TENM2: variants seen among roughly 807,000 people sequenced by gnomAD.
TENM2 encodes teneurin-2.
TENM2 carries 52 observed loss-of-function variants against 245.2 expected under a neutral mutation model. The ratio of observed to expected loss-of-function variants is 0.21; its 90% CI spans 0.17 to 0.27. The LOEUF is 0.27. TENM2 is among the 10% of genes least tolerant of loss of function. The pLI is 1.00. For synonymous variants in TENM2, 1,363 were observed against 1,438.9 expected, an observed-to-expected ratio of 0.95 and a Z score of 1.19; for missense variants, 3,046 against 3,666.8, an observed-to-expected ratio of 0.83 and a Z score of 4.37.
chr5:167,122,957 G>C, the TENM2 span, among the ~76,000 whole-genome samples: 1 of 152,026 alleles, frequency 6.6e-6, no homozygotes, highest in African/African-American at 2.4e-5. Flanking sequence ...GGAAAAATAC[G>C]ATTATCATCT....
chr5:168,018,688 C>A (rs1041132065), intron 5 of TENM2, among the ~76,000 whole-genome samples: 1 of 152,052 alleles, frequency 6.6e-6, no homozygotes, highest in Non-Finnish European at 1.5e-5. Flanking sequence ...GTGAGAGATT[C>A]CCTACATCAA....
chr5:168,214,796 CA>C, intron 20 of TENM2: 2 of 596,828 alleles, frequency 3.4e-6, no homozygotes, highest in South Asian at 3.0e-5. Context: ...AATGAAGCAA[CA>C]GTTGTTTAGC....
intron 7 of TENM2, among the ~76,000 whole-genome samples, chr5:168,082,587 G>T (rs1645240117): frequency 6.6e-6 from 1 of 152,128 alleles, no homozygotes; most frequent in Admixed American, 6.5e-5. Context: ...TTTGATGATG[G>T]TGACATGCAG....
At chr5:167,188,202 T>C in the TENM2 span, among the ~76,000 whole-genome samples, 1 of 152,152 alleles carries the variant, frequency 6.6e-6, no homozygotes, top group Non-Finnish European at 1.5e-5. Context: ...TTCAGGATAA[T>C]TGGCAGTCAG....
intron 2 of TENM2, among the ~76,000 whole-genome samples, chr5:167,802,493 G>A (rs1210694315): frequency 6.6e-6 from 1 of 152,042 alleles, no homozygotes; most frequent in Non-Finnish European, 1.5e-5. Context: ...AATTTATTTT[G>A]GTCACATTTC....
At position 167,692,397 on chromosome 5, in the gene TENM2, A is replaced by G. The variant is rs1370067250; in HGVS notation, c.503-183589A>G. On this transcript the variant is annotated intron_variant, in intron 2 of 28. Coordinates refer to ENST00000518659, the Ensembl canonical transcript of TENM2. ...AGTTTCCAGATCATCACCCCTGGAC[A>G]GTCTGATTCCATTTGTTTGGGGTGA... 3.3e-5 allele frequency among the ~76,000 whole-genome samples: 5 copies of G among 152,272 alleles called. No homozygotes were observed. The East Asian group carries it at 9.7e-4, about 30-fold the overall frequency.
intron 2 of TENM2, among the ~76,000 whole-genome samples, chr5:167,666,612 G>C (rs1755594323): frequency 6.6e-6 from 1 of 152,022 alleles, no homozygotes; most frequent in Non-Finnish European, 1.5e-5. Context: ...GTACTTAGAG[G>C]GCCTGGCATA....
At chr5:168,009,138 T>C (rs1785040041) in intron 5 of TENM2, among the ~76,000 whole-genome samples, 1 of 152,246 alleles carries the variant, frequency 6.6e-6, no homozygotes, top group Non-Finnish European at 1.5e-5. Flanking sequence ...AGACTCAGCA[T>C]ACCCATTTAT....
intron 2 of TENM2, among the ~76,000 whole-genome samples, chr5:167,714,202 C>T (rs538734422): frequency 1.4e-4 from 21 of 152,284 alleles, no homozygotes; most frequent in African/African-American, 4.8e-4. Flanking sequence ...ACACATTTCC[C>T]TCTTACTTTG....
the TENM2 span, among the ~76,000 whole-genome samples, chr5:167,254,168 C>T: frequency 1.3e-5 from 2 of 152,192 alleles, no homozygotes; most frequent in East Asian, 1.9e-4. Context: ...CACGGCCTTC[C>T]GAGCTTCCAA....
intron 2 of TENM2, among the ~76,000 whole-genome samples, chr5:167,592,053 C>T (rs1775912369): frequency 6.6e-6 from 1 of 152,172 alleles, no homozygotes; most frequent in Non-Finnish European, 1.5e-5. Context: ...TACACCAATA[C>T]AGAATGAGGA....
intron 1 of TENM2, among the ~76,000 whole-genome samples, chr5:167,293,467 G>A (rs1265424704): frequency 2.7e-5 from 4 of 147,446 alleles, no homozygotes; most frequent in East Asian, 4.0e-4. Context: ...TGATCCACCC[G>A]CCTCGGGCTT....
intron 9 of TENM2, among the ~76,000 whole-genome samples, chr5:168,106,802 T>C (rs1156446334): frequency 6.6e-6 from 1 of 152,200 alleles, no homozygotes; most frequent in East Asian, 1.9e-4. Flanking sequence ...GGCTCACGCC[T>C]GTAATCCCAG....
At chr5:167,936,305 A>G (rs566171495) in intron 3 of TENM2, among the ~76,000 whole-genome samples, 1 of 152,360 alleles carries the variant, frequency 6.6e-6, no homozygotes, top group African/African-American at 2.4e-5. Context: ...TACACAGTAT[A>G]GTTTCTTAAA....
At chr5:167,158,357 A>T in the TENM2 span, among the ~76,000 whole-genome samples, 2 of 152,036 alleles carry the variant, frequency 1.3e-5, no homozygotes, top group South Asian at 4.1e-4. Flanking sequence ...CATTTCCCTA[A>T]AGTCACCACA....
chr5:167,399,755 G>A (rs1169140189), intron 2 of TENM2, among the ~76,000 whole-genome samples: 2 of 152,052 alleles, frequency 1.3e-5, no homozygotes. Context: ...TATTTGAAAT[G>A]GGCTCAATGT....
intron 1 of TENM2, among the ~76,000 whole-genome samples, chr5:167,321,188 T>C (rs1756693733): frequency 6.6e-6 from 1 of 151,844 alleles, no homozygotes; most frequent in Non-Finnish European, 1.5e-5. Flanking sequence ...CTAGCTGTGA[T>C]ATGTATTCAC....
rs1763231204 is a variant in TENM2, at chr5:168,216,748, A to G, written c.4079-20A>G. The G allele has an allele frequency of 1.2e-6, 2 of 1,613,618 alleles. No individual in the cohort carries two copies. The highest frequency in any genetic ancestry group is 4.5e-5 in the East Asian group (2 of 44,868). On this transcript the variant is annotated intron_variant, in intron 21 of 28. Coordinates refer to ENST00000518659, the Ensembl canonical transcript of TENM2. ...CTACACCTTTCCAAGAGATAAATCCACACCGCTTGTCTTGCTCAGGTATTG... is the reference window on the plus strand; with the variant it reads ...CTACACCTTTCCAAGAGATAAATCCGCACCGCTTGTCTTGCTCAGGTATTG...
intron 2 of TENM2, among the ~76,000 whole-genome samples, chr5:167,633,571 T>C (rs1779007964): frequency 6.6e-6 from 1 of 152,214 alleles, no homozygotes; most frequent in Non-Finnish European, 1.5e-5. Context: ...TAGAGTTTCA[T>C]CTAAAGCTCT....
Sources: allele counts gnomAD v4.1 joint callset (sites outside exome capture counted in the v4.1 genomes callset), GRCh38; gene constraint gnomAD v4.1.1; transcripts MANE v1.5; gene names NCBI Gene and HGNC (gene_info 2026-07-23, HGNC 2026-07-21).